SORBS2: variants seen among roughly 807,000 people sequenced by gnomAD.
The protein encoded by SORBS2 is sorbin and SH3 domain-containing protein 2.
Under a neutral mutation model 97.7 loss-of-function variants are expected in SORBS2, and 46 were observed. That is an observed-to-expected ratio of 0.47 (90% confidence interval 0.37 to 0.60). The LOEUF (loss-of-function observed/expected upper bound fraction) is 0.60. Among genes scored for constraint, SORBS2 ranks in the 20% least tolerant of loss-of-function variants. The probability of loss-of-function intolerance (pLI) is 0.00; values close to 1 mark genes in which losing one functional copy is unlikely to be tolerated. For missense variants in SORBS2, 1,316 were observed against 1,282.3 expected, an observed-to-expected ratio of 1.03 and a Z score of -0.40; for synonymous variants, 476 against 473.4, an observed-to-expected ratio of 1.01 and a Z score of -0.07.
rs116371337 is a variant in SORBS2 at position 185,895,065 on chromosome 4, A to T, written c.-338+61131T>A. On this transcript the variant is annotated intron_variant, in intron 1 of 20. Transcript: ENST00000284776. Reference sequence around the variant, plus strand: ...ACTTACTTTAATTTTAGACTTGAAAACATGTGATTTACTAGTTGTGTGCTT... The same window carrying T: ...ACTTACTTTAATTTTAGACTTGAAATCATGTGATTTACTAGTTGTGTGCTT... 1.6e-3 allele frequency among the ~76,000 whole-genome samples: 245 copies of T among 152,302 alleles called. 3 individuals are homozygous for T. The highest frequency in any genetic ancestry group is 5.5e-3 in the African/African-American group (230 of 41,562).
intron 1 of SORBS2, among the ~76,000 whole-genome samples, chr4:185,913,925 CA>C (rs1457809422): frequency 6.6e-6 from 1 of 152,174 alleles, no homozygotes; most frequent in African/African-American, 2.4e-5. Flanking sequence ...AGCTCTAGAT[CA>C]CTCTGAATTT....
At chr4:185,874,866 T>TTTTTTTTTTTTTTTTTTTTTTTTTTTC (rs775209042) in intron 1 of SORBS2, among the ~76,000 whole-genome samples, 2 of 113,442 alleles carry the variant, frequency 1.8e-5, no homozygotes, top group African/African-American at 5.7e-5. Context: ...TGATTTTTTT[T>TTTTTTTTTTTTTTTTTTTTTTTTTTTC]TTTTTTGCAT....
chr4:185,612,489 C>CT (rs1242366522), intron 11 of SORBS2, among the ~76,000 whole-genome samples: 13 of 144,020 alleles, frequency 9.0e-5, no homozygotes, highest in African/African-American at 1.3e-4. Context: ...TTTTTTATTT[C>CT]TATTTTTTTT....
At chr4:185,852,013 C>G (rs1013600384) in intron 1 of SORBS2, among the ~76,000 whole-genome samples, 1 of 152,132 alleles carries the variant, frequency 6.6e-6, no homozygotes, top group African/African-American at 2.4e-5. Flanking sequence ...AACAGGGACC[C>G]TTGCATAACA....
chr4:185,624,370 T>G, exon 7 of SORBS2: 1 of 1,614,216 alleles, frequency 6.2e-7, no homozygotes, highest in Non-Finnish European at 8.5e-7. Context: ...TAATGGCTCT[T>G]GGTGAGTCCC....
chr4:185,848,176 T>A (rs976465143), intron 1 of SORBS2, among the ~76,000 whole-genome samples: 4 of 152,192 alleles, frequency 2.6e-5, no homozygotes, highest in African/African-American at 9.7e-5. Context: ...TGCGCGGTGA[T>A]GACTTTTTCA....
intron 1 of SORBS2, among the ~76,000 whole-genome samples, chr4:185,792,252 G>A (rs571814719): frequency 4.4e-4 from 67 of 152,260 alleles, no homozygotes; most frequent in African/African-American, 1.3e-3. Context: ...CCCAGCACTC[G>A]GGAGGCCAAG....
chr4:185,609,940 G>A (rs2096505746), intron 12 of SORBS2, among the ~76,000 whole-genome samples: 2 of 152,204 alleles, frequency 1.3e-5, no homozygotes, highest in Admixed American at 1.3e-4. Flanking sequence ...AAACCATTAA[G>A]TATTTCTTCC....
At chr4:185,608,576 T>A (rs1300689360) in intron 12 of SORBS2, among the ~76,000 whole-genome samples, 1 of 152,218 alleles carries the variant, frequency 6.6e-6, no homozygotes, top group Non-Finnish European at 1.5e-5. Flanking sequence ...ACAATACATT[T>A]GAAATTTTAT....
At chr4:185,812,644 G>A (rs1271223922) in intron 1 of SORBS2, among the ~76,000 whole-genome samples, 7 of 151,212 alleles carry the variant, frequency 4.6e-5, no homozygotes, top group African/African-American at 1.7e-4. Flanking sequence ...TACACTTTTT[G>A]TTTTTAAATG....
At chr4:185,670,444 C>T (rs1212479414) in intron 4 of SORBS2, among the ~76,000 whole-genome samples, 1 of 152,088 alleles carries the variant, frequency 6.6e-6, no homozygotes, top group Non-Finnish European at 1.5e-5. Context: ...GTCAAGGATC[C>T]TAACATCTCT....
At chr4:185,743,822 C>A (rs1019426829) in intron 2 of SORBS2, among the ~76,000 whole-genome samples, 2 of 150,722 alleles carry the variant, frequency 1.3e-5, no homozygotes, top group Non-Finnish European at 3.0e-5. Flanking sequence ...TCTTCCTCTT[C>A]TTCTATCTTC....
intron 1 of SORBS2, among the ~76,000 whole-genome samples, chr4:185,794,512 G>A (rs574683043): frequency 6.6e-6 from 1 of 152,326 alleles, no homozygotes; most frequent in South Asian, 2.1e-4. Context: ...AAGAACTGCA[G>A]ATACATGGCC....
intron 1 of SORBS2, among the ~76,000 whole-genome samples, chr4:185,840,324 A>G (rs1184117401): frequency 1.3e-5 from 2 of 152,220 alleles, no homozygotes; most frequent in Non-Finnish European, 2.9e-5. Flanking sequence ...TTGCAGACCA[A>G]AAATATCTCT....
At chr4:185,668,744 A>G (rs6552907) in intron 4 of SORBS2, among the ~76,000 whole-genome samples, 144,932 of 152,264 alleles carry the variant, frequency 0.95, 69,408 homozygotes, top group East Asian at 1. Context: ...TTCTTACTTC[A>G]TGAGTGGCAA....
intron 12 of SORBS2, among the ~76,000 whole-genome samples, chr4:185,597,307 G>T (rs1188824922): frequency 3.9e-5 from 6 of 152,102 alleles, no homozygotes; most frequent in Non-Finnish European, 8.8e-5. Context: ...ATTCCATGAA[G>T]GATACACATT....
intron 2 of SORBS2, among the ~76,000 whole-genome samples, chr4:185,651,043 G>A (rs1041752511): frequency 6.6e-6 from 1 of 152,102 alleles, no homozygotes; most frequent in Non-Finnish European, 1.5e-5. Context: ...GGGGAGCAGT[G>A]CCAGCCTCCG....
chr4:185,683,572 T>C (rs2097906353), intron 2 of SORBS2, among the ~76,000 whole-genome samples: 1 of 152,222 alleles, frequency 6.6e-6, no homozygotes, highest in Non-Finnish European at 1.5e-5. Flanking sequence ...CATACGTGCA[T>C]GAGCCACTAC....
chr4:185,873,928 G>A (rs1012652026), intron 1 of SORBS2, among the ~76,000 whole-genome samples: 7 of 151,710 alleles, frequency 4.6e-5, no homozygotes, highest in Non-Finnish European at 7.4e-5. Context: ...AAATATAAAC[G>A]TCTAACTTTT....
Sources: allele counts gnomAD v4.1 joint callset (sites outside exome capture counted in the v4.1 genomes callset), GRCh38; gene constraint gnomAD v4.1.1; transcripts MANE v1.5; gene names NCBI Gene and HGNC (gene_info 2026-07-23, HGNC 2026-07-21).